The following SLC45A2 variants were observed in gnomAD, a reference collection of about 807,000 sequenced individuals.
SLC45A2 encodes the protein solute carrier family 45 member 2.
In SLC45A2, 36 loss-of-function variants were observed where a neutral mutation model predicts 45.5. The observed-to-expected ratio is 0.79, with a 90% CI of 0.61 to 1.04. The LOEUF (loss-of-function observed/expected upper bound fraction) is 1.04. Ranked by LOEUF, SLC45A2 falls within the 50% of genes least tolerant of loss-of-function variation. The pLI is 0.00. For missense variants in SLC45A2, 719 were observed against 671.0 expected, an observed-to-expected ratio of 1.07 and a Z score of -0.79; for synonymous variants, 306 against 269.3, an observed-to-expected ratio of 1.14 and a Z score of -1.33.
At chr5:33,961,634 A>G (rs1259855226) in intron 3 of SLC45A2, among the ~76,000 whole-genome samples, 4 of 152,130 alleles carry the variant, frequency 2.6e-5, no homozygotes, top group African/African-American at 9.7e-5. Flanking sequence ...CTTTAAAACT[A>G]AAAGCAATTG....
chr5:33,984,128 A>G, intron 1 of SLC45A2, 71 bp downstream of exon 1: 1 of 1,598,830 alleles, frequency 6.3e-7, no homozygotes. Context: ...AAACACATGA[A>G]CATCCTCCTC....
chr5:33,969,065 C>CTGTGTGTGTGTGTGTG (rs66961145), intron 2 of SLC45A2, among the ~76,000 whole-genome samples: 46 of 102,460 alleles, frequency 4.5e-4, no homozygotes, highest in East Asian at 2.3e-3. Context: ...CTCTCTCTCT[C>CTGTGTGTGTGTGTGTG]TGTGTGTGTG....
intron 4 of SLC45A2, among the ~76,000 whole-genome samples, chr5:33,952,654 T>C (rs1309277129): frequency 6.6e-6 from 1 of 150,940 alleles, no homozygotes; most frequent in Non-Finnish European, 1.5e-5. Flanking sequence ...AGCTAACAAG[T>C]TAATTTCTAT....
intron 3 of SLC45A2, among the ~76,000 whole-genome samples, chr5:33,960,206 C>T (rs2111949372): frequency 6.6e-6 from 1 of 152,156 alleles, no homozygotes; most frequent in East Asian, 1.9e-4. Flanking sequence ...TCAACACCAG[C>T]AGGGTAGAAG....
intron 4 of SLC45A2, among the ~76,000 whole-genome samples, chr5:33,953,126 C>T (rs1752165792): frequency 6.8e-6 from 1 of 147,954 alleles, no homozygotes; most frequent in African/African-American, 2.5e-5. Context: ...CAAGTCTTTG[C>T]TATTGTGAAT....
chr5:33,947,777 A>G (rs1332875735), intron 5 of SLC45A2, among the ~76,000 whole-genome samples: 1 of 152,238 alleles, frequency 6.6e-6, no homozygotes, highest in African/African-American at 2.4e-5. Flanking sequence ...ACACAGGCCT[A>G]TCTTGGCCCT....
At chr5:33,951,355 G>A in intron 5 of SLC45A2, 199 bp downstream of exon 5, 1 of 1,410,824 alleles carries the variant, frequency 7.1e-7, no homozygotes, top group Non-Finnish European at 9.3e-7. Flanking sequence ...TAATCAGTGA[G>A]GAAATGACAC....
chr5:33,974,018 C>A lies in SLC45A2; in HGVS notation c.562+8218G>T, dbSNP rs552938136. Among the ~76,000 whole-genome samples the A allele has an allele frequency of 6.6e-5, 10 of 152,318 alleles. No homozygotes were observed. In the South Asian group the frequency reaches 2.1e-3, roughly 32 times the overall value. The stretch of plus-strand genomic sequence containing the variant: ...TGTCATGCCTGATCCCAGCCTCCCG[C>A]CAAGCAAGAAAGCCCACTGCTAAGA... On this transcript the variant is annotated intron_variant, in intron 2 of 6. Transcript: ENST00000296589.
At chr5:33,967,660 G>A (rs1752636787) in intron 2 of SLC45A2, among the ~76,000 whole-genome samples, 1 of 152,116 alleles carries the variant, frequency 6.6e-6, no homozygotes, top group Non-Finnish European at 1.5e-5. Context: ...TATGAATAGG[G>A]TTTTTGTTGC....
intron 3 of SLC45A2, among the ~76,000 whole-genome samples, chr5:33,963,029 C>T (rs1752493687): frequency 6.6e-6 from 1 of 152,164 alleles, no homozygotes; most frequent in Admixed American, 6.5e-5. Context: ...CCCTATGGGG[C>T]CTTTGAGCAT....
At chr5:33,954,891 G>C (rs929008494) in intron 3 of SLC45A2, among the ~76,000 whole-genome samples, 2 of 152,174 alleles carry the variant, frequency 1.3e-5, no homozygotes, top group African/African-American at 4.8e-5. Flanking sequence ...AACTGTGAGA[G>C]CATAGTAGGC....
In SLC45A2 at chr5:33,963,960, G is replaced by C. The variant is rs770639563; in HGVS notation, c.619C>G (p.Leu207Val). The C allele has an allele frequency of 8.7e-6, 14 of 1,614,072 alleles. No homozygotes were observed. Among genetic ancestry groups the C allele is most frequent in the Non-Finnish European group, 1.2e-5 (14 of 1,179,984 alleles). Residue 207 changes from leucine to valine, a missense_variant, in exon 3 of 7, where the codon CTG (leucine) becomes GTG (valine). Leu to Val is a conservative substitution (Grantham distance 32). Transcript: ENST00000296589. ...AATTCTGTACCCAACAGTCTTCCCAGCTCCAGATGGGCCCAGTCTATAGCA... is the reference window on the plus strand; with the variant it reads ...AATTCTGTACCCAACAGTCTTCCCACCTCCAGATGGGCCCAGTCTATAGCA... Reference protein sequence around the residue: ...LGAIDWAHLELGRLLGTEFQV... With the variant: ...LGAIDWAHLEVGRLLGTEFQV...
chr5:33,958,798 T>C (rs1230821452), intron 3 of SLC45A2, among the ~76,000 whole-genome samples: 3 of 152,136 alleles, frequency 2.0e-5, no homozygotes, highest in African/African-American at 7.2e-5. Flanking sequence ...CGTGTGGGAG[T>C]TCCATGACTT....
chr5:33,983,101 C>T (rs1037547463), intron 1 of SLC45A2, among the ~76,000 whole-genome samples: 5 of 152,218 alleles, frequency 3.3e-5, no homozygotes, highest in East Asian at 1.9e-4. Flanking sequence ...GCATCTCTAA[C>T]GGTCTCTGCT....
chr5:33,967,247 C>T (rs935879474), intron 2 of SLC45A2, among the ~76,000 whole-genome samples: 1 of 152,204 alleles, frequency 6.6e-6, no homozygotes, highest in Non-Finnish European at 1.5e-5. Context: ...TGGGCTTACC[C>T]CTGACCCTAT....
In SLC45A2 at chr5:33,962,624, A is replaced by T. The variant is rs766322754; in HGVS notation, c.888+1067T>A. ...CAAACACTCTAAGTAACTTTACCTG[A>T]ATTAGCCCCTGCAACCTGCACGAAA... is the stretch of plus-strand genomic sequence containing the variant. On this transcript the variant is annotated intron_variant, in intron 3 of 6. Transcript: ENST00000296589. Among the ~76,000 whole-genome samples, 101 of 152,348 alleles carry T rather than the reference A, an allele frequency of 6.6e-4. 1 individual carries two copies. The highest frequency in any genetic ancestry group is 1.2e-3 in the Non-Finnish European group (83 of 68,022).
At chr5:33,958,740 G>A (rs1395099990) in intron 3 of SLC45A2, among the ~76,000 whole-genome samples, 5 of 152,056 alleles carry the variant, frequency 3.3e-5, no homozygotes, top group African/African-American at 1.2e-4. Flanking sequence ...TTTTTCATGT[G>A]GCCCCTACTA....
At chr5:33,964,795 T>C (rs1752556771) in intron 2 of SLC45A2, among the ~76,000 whole-genome samples, 1 of 152,228 alleles carries the variant, frequency 6.6e-6, no homozygotes, top group Admixed American at 6.5e-5. Context: ...AATCCCATTA[T>C]TAGTTATTCC....
intron 6 of SLC45A2, among the ~76,000 whole-genome samples, chr5:33,945,092 G>C (rs1423187734): frequency 6.6e-6 from 1 of 152,190 alleles, no homozygotes; most frequent in Non-Finnish European, 1.5e-5. Context: ...GACATTATTA[G>C]CATTTGATTT....
Sources: gnomAD v4.1 joint callset for allele counts (sites outside exome capture counted in the v4.1 genomes callset) on GRCh38, gnomAD v4.1.1 for gene constraint, MANE v1.5 for transcripts, NCBI Gene and HGNC (gene_info 2026-07-23, HGNC 2026-07-21) for gene names.